Variants in NR2C2 observed in about 807,000 individuals in gnomAD.
The protein encoded by NR2C2 is Nuclear hormone receptor TR4.
In NR2C2, 6 loss-of-function variants were observed where a neutral mutation model predicts 62.9. The ratio of observed to expected loss-of-function variants is 0.10; its 90% CI spans 0.05 to 0.19. The LOEUF (loss-of-function observed/expected upper bound fraction) is 0.19. Ranked by LOEUF, NR2C2 falls within the 10% of genes least tolerant of loss-of-function variation. NR2C2 has a pLI of 1.00. For missense variants in NR2C2, 479 were observed against 762.7 expected, an observed-to-expected ratio of 0.63 and a Z score of 4.38; for synonymous variants, 272 against 273.8, an observed-to-expected ratio of 0.99 and a Z score of 0.07.
intron 1 of NR2C2, among the ~76,000 whole-genome samples, chr3:14,957,950 T>C (rs777010969): frequency 3.3e-5 from 5 of 152,054 alleles, no homozygotes; most frequent in Non-Finnish European, 7.3e-5. Flanking sequence ...AATATGCCAC[T>C]CTTCCTCATA....
intron 1 of NR2C2, chr3:14,959,788 G>C (rs1282638338): frequency 6.6e-6 from 1 of 152,204 alleles, no homozygotes; most frequent in African/African-American, 2.4e-5. Flanking sequence ...TAACACTGCA[G>C]TAAAAAGATA....
intron 7 of NR2C2, among the ~76,000 whole-genome samples, 199 bp downstream of exon 7, chr3:15,024,407 C>T (rs1270769028): frequency 6.6e-6 from 1 of 152,234 alleles, no homozygotes; most frequent in African/African-American, 2.4e-5. Flanking sequence ...TCAGAGCTGG[C>T]TGGTCATAAT....
chr3:14,974,553 A>G, intron 1 of NR2C2, among the ~76,000 whole-genome samples: 1 of 151,100 alleles, frequency 6.6e-6, no homozygotes. Flanking sequence ...TGTTGTCTTT[A>G]ATTTCTTTCC....
At chr3:14,996,278 A>AT (rs1336844110) in intron 1 of NR2C2, among the ~76,000 whole-genome samples, 13 of 152,178 alleles carry the variant, frequency 8.5e-5, no homozygotes, top group African/African-American at 2.7e-4. Flanking sequence ...GTGTTTTTTA[A>AT]TTTTTGTATA....
chr3:15,010,622 G>A (rs1376864114), intron 2 of NR2C2, among the ~76,000 whole-genome samples: 1 of 151,874 alleles, frequency 6.6e-6, no homozygotes, highest in African/African-American at 2.4e-5. Context: ...TGAGATGGGA[G>A]GATTGCTTGA....
intron 1 of NR2C2, among the ~76,000 whole-genome samples, chr3:14,974,140 A>G (rs2040133579): frequency 2.0e-5 from 3 of 152,130 alleles, no homozygotes; most frequent in Admixed American, 6.6e-5. Flanking sequence ...TCTACTTTCT[A>G]TGAATTTGAC....
At position 14,950,068 on chromosome 3, in the gene NR2C2, C is replaced by T. The variant is rs567938627; in HGVS notation, c.-40+2162C>T. ...GTAAATAATAGAGCTTAGAAAAGTG[C>T]CTGACATGTAGCAAATACTGTGTAA... On this transcript the variant is annotated intron_variant, in intron 1 of 13. Transcript: ENST00000425241. 2.0e-4 allele frequency among the ~76,000 whole-genome samples: 30 copies of T among 152,188 alleles called. 1 individual carries two copies. The East Asian group carries it at 4.8e-3, about 24-fold the overall frequency.
chr3:15,015,216 T>C (rs1043778860), intron 3 of NR2C2, among the ~76,000 whole-genome samples: 5 of 152,246 alleles, frequency 3.3e-5, no homozygotes, highest in African/African-American at 1.2e-4. Context: ...ATGATTTCTG[T>C]ATGTGTTCCC....
chr3:14,963,920 C>T (rs754860422), intron 1 of NR2C2, among the ~76,000 whole-genome samples: 4 of 151,968 alleles, frequency 2.6e-5, no homozygotes, highest in Non-Finnish European at 5.9e-5. Flanking sequence ...GTTACCTACC[C>T]CCCTCCCCAC....
chr3:15,009,399 A>G (rs1041917460), intron 2 of NR2C2, among the ~76,000 whole-genome samples: 1 of 152,202 alleles, frequency 6.6e-6, no homozygotes, highest in Non-Finnish European at 1.5e-5. Flanking sequence ...GTATCCCTGC[A>G]TGGATCACTT....
intron 13 of NR2C2, among the ~76,000 whole-genome samples, chr3:15,042,003 T>C (rs1464458131): frequency 1.3e-5 from 2 of 152,216 alleles, no homozygotes; most frequent in East Asian, 3.8e-4. Flanking sequence ...ACAATAACAA[T>C]ACGTACTCTT....
rs542994520 is a variant in NR2C2, at chr3:15,043,510, G to A, written c.*502G>A. On this transcript the variant is annotated 3_prime_UTR_variant, in exon 14 of 14. Coordinates refer to ENST00000425241, the MANE Select transcript of NR2C2 (RefSeq NM_001291694.2). ...TGGAAAACTGTGTATGTCTTTTGCCGAAATGCTAATGATTTCTGTGAAAAC... is the reference window on the plus strand; with the variant it reads ...TGGAAAACTGTGTATGTCTTTTGCCAAAATGCTAATGATTTCTGTGAAAAC... 91 of 152,820 alleles carry A rather than the reference G, an allele frequency of 6.0e-4. No homozygotes were observed. Among genetic ancestry groups the A allele is most frequent in the Admixed American group, 2.0e-3 (31 of 15,304 alleles). The allele number at this position is 152,820 out of a possible 1,614,324, so 9.5% of individuals were successfully genotyped here. A position where few individuals can be genotyped will look rare whatever the true frequency, so the allele number is the denominator to read the frequency against.
chr3:14,999,900 A>T (rs1258103412), intron 1 of NR2C2, among the ~76,000 whole-genome samples: 1 of 152,108 alleles, frequency 6.6e-6, no homozygotes, highest in African/African-American at 2.4e-5. Flanking sequence ...TTTAAGTTAC[A>T]AATTGAGTTT....
chr3:15,035,100 T>C (rs532063446), intron 11 of NR2C2, among the ~76,000 whole-genome samples: 12 of 152,286 alleles, frequency 7.9e-5, no homozygotes, highest in African/African-American at 2.9e-4. Flanking sequence ...GAGACCAGTC[T>C]GGGCAACATA....
rs149678541 is a variant in NR2C2, at chr3:14,964,161, A to G, written c.-40+16255A>G. Among the ~76,000 whole-genome samples the G allele has an allele frequency of 1.7e-4, 26 of 152,340 alleles. 1 individual carries two copies. The East Asian group carries it at 4.8e-3, about 28-fold the overall frequency. ...TAGGCTAATCAAGAGTTAAGTTCCT[A>G]TGGCATATTTCTGGTCAAAAAATAA... On this transcript the variant is annotated intron_variant, in intron 1 of 13. Coordinates refer to ENST00000425241, the MANE Select transcript of NR2C2 (RefSeq NM_001291694.2).
chr3:15,029,796 G>C (rs6762977), intron 8 of NR2C2, among the ~76,000 whole-genome samples: 26,458 of 84,116 alleles, frequency 0.31, 3,260 homozygotes, highest in African/African-American at 0.5. Flanking sequence ...ATAAATAATA[G>C]ATAGATAGAT....
At chr3:14,957,555 A>G (rs998346840) in intron 1 of NR2C2, among the ~76,000 whole-genome samples, 2 of 152,190 alleles carry the variant, frequency 1.3e-5, no homozygotes, top group African/African-American at 4.8e-5. Context: ...AGTATGATTT[A>G]CTACTATCAT....
intron 2 of NR2C2, among the ~76,000 whole-genome samples, chr3:15,005,509 G>A (rs2041147337): frequency 7.2e-6 from 1 of 139,284 alleles, no homozygotes; most frequent in African/African-American, 2.8e-5. Flanking sequence ...GAGCCAGCGT[G>A]CGTGGCCAAC....
At chr3:14,948,723 T>C (rs2125187765) in intron 1 of NR2C2, 1 of 152,332 alleles carries the variant, frequency 6.6e-6, no homozygotes, top group African/African-American at 2.4e-5. Flanking sequence ...ACAATAGTAA[T>C]AAAGGTGATG....
Sources: allele counts gnomAD v4.1 joint callset (sites outside exome capture counted in the v4.1 genomes callset), GRCh38; gene constraint gnomAD v4.1.1; transcripts MANE v1.5; gene names NCBI Gene and HGNC (gene_info 2026-07-23, HGNC 2026-07-21).